Variants in SKAP2 observed in about 807,000 individuals in gnomAD.
SKAP2 encodes the protein src kinase-associated phosphoprotein 2.
Under a neutral mutation model 54.9 loss-of-function variants are expected in SKAP2, and 28 were observed. The observed-to-expected ratio is 0.51, with a 90% CI of 0.38 to 0.70. The LOEUF (loss-of-function observed/expected upper bound fraction) is 0.70, where lower values mean the gene tolerates loss of function less well. Among genes scored for constraint, SKAP2 ranks in the 30% least tolerant of loss-of-function variants. The pLI, the probability that SKAP2 is intolerant of heterozygous loss-of-function variation, is 0.00. For missense variants in SKAP2, 356 were observed against 424.1 expected (o/e 0.84, Z 1.41); for synonymous variants, 137 against 134.3 (o/e 1.02, Z -0.14).
chr7:26,745,982 T>C (rs887629486), intron 4 of SKAP2, among the ~76,000 whole-genome samples: 1 of 152,206 alleles, frequency 6.6e-6, no homozygotes, highest in African/African-American at 2.4e-5. Flanking sequence ...TCTCCAGTTC[T>C]AGTTCATTTT....
At chr7:26,797,999 C>T (rs893466080) in intron 4 of SKAP2, among the ~76,000 whole-genome samples, 6 of 151,604 alleles carry the variant, frequency 4.0e-5, no homozygotes, top group Non-Finnish European at 5.9e-5. Context: ...TGAAAATATA[C>T]AGTCAGAGGA....
At chr7:26,699,320 CTG>C (rs1786971481) in intron 9 of SKAP2, among the ~76,000 whole-genome samples, 1 of 152,216 alleles carries the variant, frequency 6.6e-6, no homozygotes, top group Admixed American at 6.5e-5. Context: ...TCACAATAAA[CTG>C]AATGTAGAAG....
chr7:26,771,959 CTTCCTA>C (rs1230887486), intron 4 of SKAP2, among the ~76,000 whole-genome samples: 4 of 152,252 alleles, frequency 2.6e-5, no homozygotes, highest in Non-Finnish European at 5.9e-5. Context: ...TTTTATTCAT[CTTCCTA>C]TTCCTATCGC....
chr7:26,731,234 T>C (rs1166129994), intron 6 of SKAP2, among the ~76,000 whole-genome samples: 2 of 152,222 alleles, frequency 1.3e-5, no homozygotes, highest in African/African-American at 4.8e-5. Context: ...GGAATCTCTG[T>C]GGGTGAGTCT....
At chr7:26,747,577 T>C (rs1171100595) in intron 4 of SKAP2, among the ~76,000 whole-genome samples, 1 of 152,194 alleles carries the variant, frequency 6.6e-6, no homozygotes, top group Non-Finnish European at 1.5e-5. Context: ...ATTTTCACTA[T>C]GCCTTCAATA....
At chr7:26,686,484 T>C (rs1028867343) in intron 10 of SKAP2, among the ~76,000 whole-genome samples, 2 of 152,158 alleles carry the variant, frequency 1.3e-5, no homozygotes, top group Non-Finnish European at 2.9e-5. Flanking sequence ...ACAATGCTTG[T>C]GGCCACTCTT....
chr7:26,721,163 T>C (rs1431381273), intron 9 of SKAP2, among the ~76,000 whole-genome samples: 4 of 152,216 alleles, frequency 2.6e-5, no homozygotes, highest in South Asian at 2.1e-4. Flanking sequence ...AGTCAGGATC[T>C]ACTATCACTT....
intron 11 of SKAP2, among the ~76,000 whole-genome samples, chr7:26,678,730 A>G (rs190883069): frequency 5.5e-4 from 84 of 152,018 alleles, no homozygotes; most frequent in African/African-American, 2.0e-3. Context: ...AGTGAGCCAC[A>G]ATACCTGGCA....
At chr7:26,799,918 ACCAT>A (rs1783874950) in intron 4 of SKAP2, among the ~76,000 whole-genome samples, 1 of 151,890 alleles carries the variant, frequency 6.6e-6, no homozygotes, top group African/African-American at 2.4e-5. Context: ...GGAGATAGAG[ACCAT>A]CCTGGCTAAT....
At chr7:26,834,371 CA>C (rs998246845) in intron 4 of SKAP2, among the ~76,000 whole-genome samples, 7 of 151,698 alleles carry the variant, frequency 4.6e-5, no homozygotes, top group African/African-American at 9.7e-5. Context: ...GATAGAGACA[CA>C]AAAAAACCCT....
chr7:26,725,655 GCAA>G (rs1396199424), intron 8 of SKAP2, 90 bp from the exon 9 acceptor site: 7 of 1,209,214 alleles, frequency 5.8e-6, no homozygotes, highest in East Asian at 5.1e-5. Context: ...GCCCTACAAA[GCAA>G]CAACAATATT....
chr7:26,808,169 T>A (rs895407033), intron 4 of SKAP2, among the ~76,000 whole-genome samples: 1 of 152,134 alleles, frequency 6.6e-6, no homozygotes, highest in African/African-American at 2.4e-5. Context: ...TGGTCAAAAG[T>A]GTAGGCTCTG....
intron 9 of SKAP2, among the ~76,000 whole-genome samples, chr7:26,716,398 A>G (rs949642693): frequency 6.6e-6 from 1 of 152,134 alleles, no homozygotes; most frequent in African/African-American, 2.4e-5. Context: ...TAAATTCCAT[A>G]TTATCTGATG....
rs537528715 is a variant in SKAP2 at position 26,795,746 on chromosome 7, T to G, written c.307+48284A>C. Reference sequence around the variant, plus strand: ...GAAGAGTACTGTTTGAGAAACTTAGTAAGTCACTTAACTCTTGAAAAAATA... The same window carrying G: ...GAAGAGTACTGTTTGAGAAACTTAGGAAGTCACTTAACTCTTGAAAAAATA... On this transcript the variant is annotated intron_variant, in intron 4 of 12. Transcript: ENST00000345317. Among the ~76,000 whole-genome samples the G allele has an allele frequency of 2.0e-5, 3 of 152,324 alleles. No individual in the cohort carries two copies. The South Asian group carries it at 6.2e-4, about 32-fold the overall frequency.
chr7:26,753,200 A>G (rs1323536974), intron 4 of SKAP2, among the ~76,000 whole-genome samples: 13 of 152,204 alleles, frequency 8.5e-5, no homozygotes, highest in African/African-American at 2.4e-5. Flanking sequence ...ACAGACATAG[A>G]CATTCATGTG....
At chr7:26,659,069 T>C in the SKAP2 span, among the ~76,000 whole-genome samples, 1 of 152,320 alleles carries the variant, frequency 6.6e-6, no homozygotes, top group African/African-American at 2.4e-5. Flanking sequence ...TCCACAATTA[T>C]GTTCGACGTG....
intron 3 of SKAP2, among the ~76,000 whole-genome samples, chr7:26,847,580 C>T (rs780650348): frequency 4.1e-4 from 62 of 152,052 alleles, no homozygotes; most frequent in Non-Finnish European, 5.6e-4. Context: ...GTAAACATAT[C>T]CAATATAATT....
At chr7:26,803,188 C>T (rs1783951880) in intron 4 of SKAP2, among the ~76,000 whole-genome samples, 1 of 152,108 alleles carries the variant, frequency 6.6e-6, no homozygotes, top group African/African-American at 2.4e-5. Context: ...AGAGAACACA[C>T]AGAATGGGAG....
intron 4 of SKAP2, among the ~76,000 whole-genome samples, chr7:26,754,628 C>T (rs1007061128): frequency 1.3e-5 from 2 of 152,062 alleles, no homozygotes; most frequent in African/African-American, 4.8e-5. Flanking sequence ...AAATTAGAAA[C>T]GTCAAAATTA....
Sources: gnomAD v4.1 joint callset for allele counts (sites outside exome capture counted in the v4.1 genomes callset) on GRCh38, gnomAD v4.1.1 for gene constraint, MANE v1.5 for transcripts, NCBI Gene and HGNC (gene_info 2026-07-23, HGNC 2026-07-21) for gene names.